The following LCLAT1 variants were observed in gnomAD, a reference collection of about 807,000 sequenced individuals.
LCLAT1 encodes the protein lysocardiolipin acyltransferase 1, also known as 1-AGP acyltransferase 8.
Under a neutral mutation model 30.7 loss-of-function variants are expected in LCLAT1, and 11 were observed. The observed-to-expected ratio is 0.36, with a 90% CI of 0.23 to 0.59. The LOEUF (loss-of-function observed/expected upper bound fraction) is 0.59. LCLAT1 is among the 20% of genes least tolerant of loss of function. The pLI, the probability that LCLAT1 is intolerant of heterozygous loss-of-function variation, is 0.77. For missense variants in LCLAT1, 402 were observed against 458.6 expected (o/e 0.88, Z 1.13); for synonymous variants, 155 against 151.3 (o/e 1.02, Z -0.18).
chr2:30,581,043 G>A (rs979493958), intron 5 of LCLAT1, among the ~76,000 whole-genome samples: 3 of 152,140 alleles, frequency 2.0e-5, no homozygotes, highest in Non-Finnish European at 4.4e-5. Flanking sequence ...TCTGATGATG[G>A]TGGGGTTACA....
At chr2:30,527,533 A>G (rs1278195791) in intron 2 of LCLAT1, among the ~76,000 whole-genome samples, 1 of 152,214 alleles carries the variant, frequency 6.6e-6, no homozygotes, top group Admixed American at 6.5e-5. Context: ...CAGTCACTCT[A>G]ATTTTTGGAG....
chr2:30,604,417 G>A (rs1667332131), intron 5 of LCLAT1, among the ~76,000 whole-genome samples: 1 of 152,160 alleles, frequency 6.6e-6, no homozygotes, highest in Non-Finnish European at 1.5e-5. Flanking sequence ...TTTAGGCTGT[G>A]CAGGCCATAT....
At chr2:30,470,930 T>A (rs1682750503) in intron 1 of LCLAT1, among the ~76,000 whole-genome samples, 1 of 150,766 alleles carries the variant, frequency 6.6e-6, no homozygotes, top group Admixed American at 6.6e-5. Flanking sequence ...TTTTTTTTTT[T>A]TGAGACAGAG....
At chr2:30,551,662 G>T (rs1404023270) in intron 3 of LCLAT1, among the ~76,000 whole-genome samples, 3 of 152,116 alleles carry the variant, frequency 2.0e-5, no homozygotes, top group Non-Finnish European at 4.4e-5. Flanking sequence ...GTTTCTTTCT[G>T]TAGGATTGCT....
intron 5 of LCLAT1, among the ~76,000 whole-genome samples, chr2:30,587,913 T>C (rs1032831652): frequency 6.6e-6 from 1 of 152,230 alleles, no homozygotes; most frequent in Non-Finnish European, 1.5e-5. Context: ...CAAGTCTTCC[T>C]AGCCTAAAGA....
chr2:30,555,983 A>T (rs1664901097), intron 3 of LCLAT1, among the ~76,000 whole-genome samples: 2 of 151,716 alleles, frequency 1.3e-5, no homozygotes. Flanking sequence ...GGCAATAGAG[A>T]CGGGGTTTCA....
At chr2:30,524,841 G>A (rs1396940872) in intron 1 of LCLAT1, among the ~76,000 whole-genome samples, 2 of 151,684 alleles carry the variant, frequency 1.3e-5, no homozygotes, top group Non-Finnish European at 1.5e-5. Flanking sequence ...GTATATGTAG[G>A]GTTTAGTACT....
chr2:30,564,102 T>C (rs995344018), intron 4 of LCLAT1, among the ~76,000 whole-genome samples: 2 of 152,178 alleles, frequency 1.3e-5, no homozygotes, highest in African/African-American at 2.4e-5. Context: ...AAGTTGTAAG[T>C]TGATTTCCAG....
chr2:30,504,917 C>T (rs1352260617), intron 1 of LCLAT1, among the ~76,000 whole-genome samples: 2 of 152,094 alleles, frequency 1.3e-5, no homozygotes, highest in Non-Finnish European at 2.9e-5. Flanking sequence ...TGGCATTAAG[C>T]CTTTTGGGGG....
chr2:30,504,830 A>G (rs2148348572), intron 1 of LCLAT1, among the ~76,000 whole-genome samples: 1 of 152,318 alleles, frequency 6.6e-6, no homozygotes, highest in South Asian at 2.1e-4. Flanking sequence ...CATCCCATAG[A>G]GGCAACCGCA....
chr2:30,453,109 CAAAT>C (rs1463860536), intron 1 of LCLAT1, among the ~76,000 whole-genome samples: 2 of 152,228 alleles, frequency 1.3e-5, no homozygotes, highest in East Asian at 3.9e-4. Context: ...TTTTTCCTCT[CAAAT>C]AAGAGACCAC....
rs753473693 is a variant in LCLAT1, at chr2:30,567,712, C to G, written c.512-348C>G. 5.9e-5 allele frequency among the ~76,000 whole-genome samples: 9 copies of G among 152,298 alleles called. No homozygotes were observed. In the Middle Eastern group the frequency reaches 0.01, roughly 173 times the overall value. On this transcript the variant is annotated intron_variant, in intron 4 of 5. Coordinates refer to ENST00000379509, the MANE Select transcript of LCLAT1 (RefSeq NM_001002257.3). The stretch of plus-strand genomic sequence containing the variant: ...CCTACAGCAAGTTTCCTTTTAAAAA[C>G]ACTATGATAAATTTTAAAACTTAAG...
intron 5 of LCLAT1, among the ~76,000 whole-genome samples, chr2:30,581,731 A>G (rs1279608003): frequency 6.6e-6 from 1 of 152,214 alleles, no homozygotes; most frequent in African/African-American, 2.4e-5. Flanking sequence ...AGTAGAGAGT[A>G]GAATAGTGGT....
chr2:30,589,552 A>G (rs946831530), intron 5 of LCLAT1, among the ~76,000 whole-genome samples: 17 of 152,150 alleles, frequency 1.1e-4, no homozygotes, highest in African/African-American at 3.4e-4. Flanking sequence ...TAGACATACA[A>G]CAGAGTAAGA....
At chr2:30,469,700 T>C (rs1682676149) in intron 1 of LCLAT1, among the ~76,000 whole-genome samples, 1 of 151,654 alleles carries the variant, frequency 6.6e-6, no homozygotes, top group African/African-American at 2.4e-5. Flanking sequence ...TGCCTCAGTC[T>C]GCTGAGTAGC....
chr2:30,471,367 A>C (rs1243418092), intron 1 of LCLAT1, among the ~76,000 whole-genome samples: 1 of 151,146 alleles, frequency 6.6e-6, no homozygotes, highest in Non-Finnish European at 1.5e-5. Context: ...GTGCCACCAC[A>C]CCTGACTAGT....
chr2:30,609,089 T>C (rs535893518), intron 5 of LCLAT1, among the ~76,000 whole-genome samples: 2 of 151,240 alleles, frequency 1.3e-5, no homozygotes, highest in Admixed American at 6.6e-5. Context: ...CATCTATTCA[T>C]TGCCTGTTTA....
chr2:30,540,512 G>A (rs75832058), intron 3 of LCLAT1, among the ~76,000 whole-genome samples: 12,797 of 152,054 alleles, frequency 0.084, 1,085 homozygotes, highest in African/African-American at 0.21. Context: ...TCCATCCATA[G>A]GAATTAAATC....
intron 1 of LCLAT1, among the ~76,000 whole-genome samples, chr2:30,473,615 A>G (rs774970914): frequency 3.3e-5 from 5 of 152,232 alleles, no homozygotes; most frequent in African/African-American, 4.8e-5. Flanking sequence ...TGGATAGATG[A>G]ACATGGATGC....
Sources: gnomAD v4.1 joint callset for allele counts (sites outside exome capture counted in the v4.1 genomes callset) on GRCh38, gnomAD v4.1.1 for gene constraint, MANE v1.5 for transcripts, NCBI Gene and HGNC (gene_info 2026-07-23, HGNC 2026-07-21) for gene names.